MALRD1: variants seen among roughly 807,000 people sequenced by gnomAD.
MALRD1 encodes the protein MAM and LDL-receptor class A domain-containing protein 1.
MALRD1 carries 247 observed loss-of-function variants against 242.1 expected under a neutral mutation model. That is an observed-to-expected ratio of 1.02 (90% CI 0.92 to 1.13). The LOEUF is 1.13. Ranked by LOEUF, MALRD1 falls within the 50% of genes most tolerant of loss-of-function variation. MALRD1 has a pLI of 0.00. For missense variants in MALRD1, 2,989 were observed against 2,533.1 expected (o/e 1.18, Z -3.86); for synonymous variants, 995 against 866.6 (o/e 1.15, Z -2.60).
intron 36 of MALRD1, among the ~76,000 whole-genome samples, chr10:19,631,868 T>C (rs1254252563): frequency 6.6e-6 from 1 of 152,220 alleles, no homozygotes; most frequent in Non-Finnish European, 1.5e-5. Context: ...AAGTTCCTTA[T>C]AGATGCTGGA....
At chr10:19,634,247 A>G (rs1840032250) in intron 36 of MALRD1, among the ~76,000 whole-genome samples, 1 of 152,198 alleles carries the variant, frequency 6.6e-6, no homozygotes, top group Admixed American at 6.5e-5. Flanking sequence ...CTCCAATGCC[A>G]GATGAGCAGA....
chr10:19,176,785 T>TGTGTGTGC (rs1564445450), intron 14 of MALRD1, among the ~76,000 whole-genome samples: 2 of 151,952 alleles, frequency 1.3e-5, no homozygotes, highest in African/African-American at 2.4e-5. Context: ...CAAGTGTGTG[T>TGTGTGTGC]GTGTGTGCAT....
At chr10:19,118,728 C>T (rs1326138272) in intron 5 of MALRD1, among the ~76,000 whole-genome samples, 1 of 152,162 alleles carries the variant, frequency 6.6e-6, no homozygotes, top group Non-Finnish European at 1.5e-5. Context: ...ACTAGTTTTA[C>T]AGGTTAACTT....
At chr10:19,563,252 C>G (rs1836084607) in intron 32 of MALRD1, among the ~76,000 whole-genome samples, 1 of 152,118 alleles carries the variant, frequency 6.6e-6, no homozygotes, top group Non-Finnish European at 1.5e-5. Flanking sequence ...TCATTAATAT[C>G]AGTAGCATTG....
At chr10:19,431,599 A>T in intron 28 of MALRD1, among the ~76,000 whole-genome samples, 1 of 152,184 alleles carries the variant, frequency 6.6e-6, no homozygotes, top group Non-Finnish European at 1.5e-5. Context: ...AAAGACTTTT[A>T]TTCATTTATA....
rs376983005 is a variant in MALRD1 at position 19,096,187 on chromosome 10, T to G, written c.598-7792T>G. 6.2e-4 allele frequency among the ~76,000 whole-genome samples: 94 copies of G among 152,290 alleles called. 4 individuals carry two copies. In the East Asian group the frequency reaches 0.016, roughly 26 times the overall value. On this transcript the variant is annotated intron_variant, in intron 4 of 39. Coordinates refer to ENST00000454679, the MANE Select transcript of MALRD1 (RefSeq NM_001142308.3). ...GTCAAACCTTTCAAAATAACGTCCT[T>G]GTTTTGCTCAGCTTCCTATTCTCAA... is the stretch of plus-strand genomic sequence containing the variant.
chr10:19,397,706 T>G (rs1255448434), intron 28 of MALRD1, among the ~76,000 whole-genome samples: 1 of 152,146 alleles, frequency 6.6e-6, no homozygotes, highest in African/African-American at 2.4e-5. Flanking sequence ...CCACTAACAG[T>G]CTGCAAGGGG....
At chr10:19,554,243 C>T (rs751671940) in intron 32 of MALRD1, among the ~76,000 whole-genome samples, 3 of 152,112 alleles carry the variant, frequency 2.0e-5, no homozygotes, top group Non-Finnish European at 2.9e-5. Context: ...AGCTGGGTTC[C>T]AGCATCTGCT....
intron 2 of MALRD1, among the ~76,000 whole-genome samples, chr10:19,085,473 C>A (rs1835638570): frequency 6.6e-6 from 1 of 151,892 alleles, no homozygotes; most frequent in Admixed American, 6.6e-5. Context: ...GCATTTTGAA[C>A]AATTTTTTCC....
rs571827486 is a variant in MALRD1, at chr10:19,375,683, A to T, written c.4442-11845A>T. ...ATGTGAGAGTAATTGGTTCCTTGTT[A>T]TAAGGAGAGAGACCAATTACTTCCT... On this transcript the variant is annotated intron_variant, in intron 26 of 39. Coordinates refer to ENST00000454679, the MANE Select transcript of MALRD1 (RefSeq NM_001142308.3). Among the ~76,000 whole-genome samples, 92 of 152,322 alleles carry T rather than the reference A, an allele frequency of 6.0e-4. No homozygotes were observed. In the Middle Eastern group the frequency reaches 0.01, roughly 17 times the overall value.
intron 29 of MALRD1, among the ~76,000 whole-genome samples, chr10:19,486,322 CT>C (rs760145090): frequency 1.2e-4 from 18 of 152,162 alleles, no homozygotes; most frequent in Middle Eastern, 3.4e-3. Context: ...ATCTTTGAGT[CT>C]TTGATAGTTA....
At chr10:19,357,194 A>G (rs1564590720) in intron 26 of MALRD1, among the ~76,000 whole-genome samples, 1 of 152,076 alleles carries the variant, frequency 6.6e-6, no homozygotes, top group Non-Finnish European at 1.5e-5. Flanking sequence ...TGGATTAGAT[A>G]TTAATATCAG....
chr10:19,374,712 G>C (rs1215747462), intron 26 of MALRD1, among the ~76,000 whole-genome samples: 1 of 152,128 alleles, frequency 6.6e-6, no homozygotes, highest in African/African-American at 2.4e-5. Flanking sequence ...ATCCACAATG[G>C]TGGTATGCAC....
intron 19 of MALRD1, among the ~76,000 whole-genome samples, chr10:19,279,156 T>G (rs1840684360): frequency 6.6e-6 from 1 of 152,196 alleles, no homozygotes; most frequent in South Asian, 2.1e-4. Context: ...CTTTTTGTAA[T>G]GAGTTGTTTG....
At chr10:19,561,030 T>C (rs1835940728) in intron 32 of MALRD1, among the ~76,000 whole-genome samples, 1 of 152,144 alleles carries the variant, frequency 6.6e-6, no homozygotes, top group African/African-American at 2.4e-5. Context: ...AAAATCTATC[T>C]AATATATCTA....
In MALRD1 at chr10:19,324,069, G is replaced by A. The variant is rs1307087590; in HGVS notation, c.3540G>A (p.Trp1180Ter). Residue 1180 changes from tryptophan (W) to a stop codon, truncating the protein, a stop_gained, in exon 22 of 40, where the codon TGG becomes TGA. Transcript: ENST00000454679. LOFTEE classifies it high-confidence loss of function. ...LTGPKCTLVF[W>*]THMNGATVGS... ...GACCAAAATGTACCTTGGTGTTCTG[G>A]ACACATATGAATGGGGCCACCGTTG... is the stretch of plus-strand genomic sequence containing the variant. 6.5e-7 allele frequency: 1 copy of A among 1,550,374 alleles called. No individual in the cohort carries two copies. Among genetic ancestry groups the A allele is most frequent in the East Asian group, 2.4e-5 (1 of 40,906 alleles).
At chr10:19,427,012 A>G (rs1833929137) in intron 28 of MALRD1, among the ~76,000 whole-genome samples, 1 of 152,182 alleles carries the variant, frequency 6.6e-6, no homozygotes, top group African/African-American at 2.4e-5. Flanking sequence ...AAGAATGTCG[A>G]TGCTGACACC....
chr10:19,197,456 T>C (rs1169320399), intron 14 of MALRD1, among the ~76,000 whole-genome samples: 1 of 152,294 alleles, frequency 6.6e-6, no homozygotes, highest in East Asian at 1.9e-4. Context: ...GCCAAAAAAA[T>C]TGAAGTGACT....
intron 34 of MALRD1, among the ~76,000 whole-genome samples, chr10:19,602,519 A>G (rs890415942): frequency 4.6e-4 from 70 of 152,026 alleles, no homozygotes; most frequent in African/African-American, 1.6e-3. Flanking sequence ...TGCAAAGGAC[A>G]TGAACTCATC....
Sources: gnomAD v4.1 joint callset for allele counts (sites outside exome capture counted in the v4.1 genomes callset) on GRCh38, gnomAD v4.1.1 for gene constraint, MANE v1.5 for transcripts, NCBI Gene and HGNC (gene_info 2026-07-23, HGNC 2026-07-21) for gene names.